Variants in EGFLAM observed in about 807,000 individuals in gnomAD.
EGFLAM encodes the protein EGF like, fibronectin type III and laminin G domains.
In EGFLAM, 79 loss-of-function variants were observed where a neutral mutation model predicts 113.1. The observed-to-expected ratio is 0.70, with a 90% CI of 0.58 to 0.84. EGFLAM has a LOEUF of 0.84. Ranked by LOEUF, EGFLAM falls within the 40% of genes least tolerant of loss-of-function variation. The pLI is 0.00. For missense variants in EGFLAM, 1,265 were observed against 1,291.6 expected, an observed-to-expected ratio of 0.98 and a Z score of 0.32; for synonymous variants, 504 against 487.6, an observed-to-expected ratio of 1.03 and a Z score of -0.44.
chr5:38,345,709 C>T (rs933666174), intron 3 of EGFLAM: 5 of 152,210 alleles, frequency 3.3e-5, no homozygotes, highest in African/African-American at 9.7e-5. Flanking sequence ...GAGAGATAAA[C>T]ATCTTGACTT....
intron 17 of EGFLAM, chr5:38,445,461 C>T: frequency 1.4e-6 from 2 of 1,417,048 alleles, no homozygotes; most frequent in East Asian, 2.6e-5. Context: ...GGTGAGGAGG[C>T]GGGTGGCTGG....
chr5:38,312,289 T>C (rs1376149753), intron 1 of EGFLAM, among the ~76,000 whole-genome samples: 1 of 151,428 alleles, frequency 6.6e-6, no homozygotes, highest in Non-Finnish European at 1.5e-5. Flanking sequence ...TCGCCCAGGC[T>C]GGAGTGCAGT....
intron 5 of EGFLAM, among the ~76,000 whole-genome samples, chr5:38,353,560 G>A (rs905962583): frequency 2.0e-5 from 3 of 152,218 alleles, no homozygotes; most frequent in Non-Finnish European, 4.4e-5. Context: ...GCAGATATGT[G>A]TTTCTTCAGA....
At position 38,451,946 on chromosome 5, in the gene EGFLAM, C is replaced by T. The variant is rs997395393; in HGVS notation, c.2687+488C>T. Reference sequence around the variant, plus strand: ...GGCAGATGTTGCAGTGAGCTGAGATCGCGCTACTGCACTCCAGCCTGGGTG... The same window carrying T: ...GGCAGATGTTGCAGTGAGCTGAGATTGCGCTACTGCACTCCAGCCTGGGTG... On this transcript the variant is annotated intron_variant, in intron 19 of 21. Transcript: ENST00000322350. Among the ~76,000 whole-genome samples the T allele has an allele frequency of 2.1e-5, 3 of 143,568 alleles. No individual in the cohort carries two copies. In the South Asian group the frequency reaches 6.8e-4, roughly 33 times the overall value. 94.2% of individuals were successfully genotyped at this position (143,568 alleles called of 152,430 possible). A position where few individuals can be genotyped will look rare whatever the true frequency, so the allele number is the denominator to read the frequency against.
chr5:38,339,307 AG>A (rs1467640199), intron 3 of EGFLAM, among the ~76,000 whole-genome samples: 1 of 151,962 alleles, frequency 6.6e-6, no homozygotes, highest in Non-Finnish European at 1.5e-5. Context: ...TTTCTCATCA[AG>A]GTCTCTTGAG....
intron 19 of EGFLAM, among the ~76,000 whole-genome samples, chr5:38,455,502 A>G (rs570945195): frequency 6.6e-6 from 1 of 152,190 alleles, no homozygotes; most frequent in Non-Finnish European, 1.5e-5. Flanking sequence ...CCAGAACAAG[A>G]TATAGAACAT....
At position 38,325,384 on chromosome 5, in the gene EGFLAM, T is replaced by C. The variant is rs1216821895; in HGVS notation, c.98-12136T>C. Among the ~76,000 whole-genome samples the C allele has an allele frequency of 2.0e-5, 3 of 152,146 alleles. No homozygotes were observed. The East Asian group carries it at 5.8e-4, about 29-fold the overall frequency. ...TCCCTTCAGTCCCCACTAAAATGCT[T>C]GTAAATTGGGGAGAAGAGTAGTAAC... On this transcript the variant is annotated intron_variant, in intron 1 of 21. Transcript: ENST00000322350.
At chr5:38,297,144 A>T (rs1015673489) in intron 1 of EGFLAM, among the ~76,000 whole-genome samples, 2 of 152,220 alleles carry the variant, frequency 1.3e-5, no homozygotes, top group Non-Finnish European at 2.9e-5. Context: ...TTAGTGGAAA[A>T]CTGGCAAAAT....
At chr5:38,445,452 G>A (rs2112246529) in intron 17 of EGFLAM, 1 of 1,403,358 alleles carries the variant, frequency 7.1e-7, no homozygotes, top group Non-Finnish European at 9.3e-7. Flanking sequence ...CCGAGAAGAG[G>A]TGAGGAGGCG....
chr5:38,335,930 GT>G (rs1404713959), intron 1 of EGFLAM, among the ~76,000 whole-genome samples: 1 of 152,204 alleles, frequency 6.6e-6, no homozygotes, highest in African/African-American at 2.4e-5. Context: ...ATATTAGTAA[GT>G]GGAAAATCAA....
chr5:38,326,003 G>C (rs2111908526), intron 1 of EGFLAM, among the ~76,000 whole-genome samples: 1 of 151,810 alleles, frequency 6.6e-6, no homozygotes, highest in East Asian at 1.9e-4. Flanking sequence ...ATTTATTTGA[G>C]GAAGAGAAAA....
chr5:38,305,839 G>T (rs1439058019), intron 1 of EGFLAM, among the ~76,000 whole-genome samples: 1 of 152,190 alleles, frequency 6.6e-6, no homozygotes, highest in Non-Finnish European at 1.5e-5. Flanking sequence ...CAGAGGACTT[G>T]TCCTTCACCA....
In EGFLAM at chr5:38,427,073, A is replaced by G. The variant is rs777214193; in HGVS notation, c.1875A>G (p.Pro625=). The change falls in exon 14 of 22, where the codon CCA becomes CCG. Residue 625 remains proline, a synonymous_variant. Transcript: ENST00000322350. ...SLRSYAATPW[P]LEPQHYLSFM... Reference sequence around the variant, plus strand: ...GATCTTACGCTGCAACTCCCTGGCCACTGGAGCCCCAGCATTACCTTTCCT... The same window carrying G: ...GATCTTACGCTGCAACTCCCTGGCCGCTGGAGCCCCAGCATTACCTTTCCT... 1 of 1,613,962 alleles carries G rather than the reference A, an allele frequency of 6.2e-7. No individual in the cohort carries two copies. Among genetic ancestry groups the G allele is most frequent in the East Asian group, 2.2e-5 (1 of 44,888 alleles).
intron 1 of EGFLAM, among the ~76,000 whole-genome samples, chr5:38,272,037 GA>G: frequency 6.6e-6 from 1 of 152,292 alleles, no homozygotes; most frequent in South Asian, 2.1e-4. Context: ...GCAGACATTT[GA>G]AAACCCACAT....
intron 1 of EGFLAM, among the ~76,000 whole-genome samples, chr5:38,284,880 T>C (rs749206559): frequency 1.3e-5 from 2 of 152,188 alleles, no homozygotes; most frequent in Non-Finnish European, 2.9e-5. Context: ...CAATAATAAC[T>C]ATGTATATTC....
chr5:38,338,721 A>G lies in EGFLAM; in HGVS notation c.231A>G (p.Ala77=), dbSNP rs778992338. 2.5e-6 allele frequency: 4 copies of G among 1,614,248 alleles called. No individual in the cohort carries two copies. The highest frequency in any genetic ancestry group is 3.4e-6 in the Non-Finnish European group (4 of 1,180,024). The change falls in exon 3 of 22, where the codon GCA becomes GCG. Residue 77 remains alanine, a synonymous_variant. Coordinates refer to ENST00000322350, the MANE Select transcript of EGFLAM (RefSeq NM_152403.4). ...AGGTCTTTTACTCTGAGGTTGGCGC[A>G]GATAAATCCCTGCAGGAGCAGTTGC... ...GYTVFYSEVG[A]DKSLQEQLHS...
chr5:38,373,744 A>G (rs1390286515), intron 6 of EGFLAM, among the ~76,000 whole-genome samples: 1 of 152,146 alleles, frequency 6.6e-6, no homozygotes, highest in Non-Finnish European at 1.5e-5. Flanking sequence ...AGTCTTTTTC[A>G]TATAATGATT....
chr5:38,444,413 T>C (rs934423908), intron 17 of EGFLAM, among the ~76,000 whole-genome samples: 3 of 152,288 alleles, frequency 2.0e-5, no homozygotes, highest in Non-Finnish European at 4.4e-5. Flanking sequence ...ATAGGATGAC[T>C]ATAGTTAACA....
chr5:38,445,459 G>A, intron 17 of EGFLAM: 1 of 1,413,742 alleles, frequency 7.1e-7, no homozygotes. Context: ...GAGGTGAGGA[G>A]GCGGGTGGCT....
Sources: gnomAD v4.1 joint callset for allele counts (sites outside exome capture counted in the v4.1 genomes callset) on GRCh38, gnomAD v4.1.1 for gene constraint, MANE v1.5 for transcripts, NCBI Gene and HGNC (gene_info 2026-07-23, HGNC 2026-07-21) for gene names.